The following KATNAL2 variants were observed in gnomAD, a reference collection of about 807,000 sequenced individuals.
KATNAL2 encodes katanin p60 ATPase-containing subunit A-like 2.
In KATNAL2, 52 loss-of-function variants were observed where a neutral mutation model predicts 76.3. The ratio of observed to expected loss-of-function variants is 0.68; its 90% CI spans 0.55 to 0.86. KATNAL2 has a LOEUF of 0.86. Ranked by LOEUF, KATNAL2 falls within the 40% of genes least tolerant of loss-of-function variation. KATNAL2 has a pLI of 0.00. For missense variants in KATNAL2, 660 were observed against 668.9 expected, an observed-to-expected ratio of 0.99 and a Z score of 0.15; for synonymous variants, 243 against 244.2, an observed-to-expected ratio of 1.00 and a Z score of 0.05.
At chr18:47,044,359 C>T (rs1399608327) in intron 3 of KATNAL2, among the ~76,000 whole-genome samples, 4 of 152,076 alleles carry the variant, frequency 2.6e-5, no homozygotes, top group Admixed American at 6.6e-5. Context: ...TTAATGGAAA[C>T]GAAGTTTCAA....
intron 6 of KATNAL2, among the ~76,000 whole-genome samples, chr18:47,056,961 A>G (rs1375179848): frequency 6.6e-6 from 1 of 152,062 alleles, no homozygotes; most frequent in East Asian, 1.9e-4. Context: ...AAAAGGGTAG[A>G]GAAAGACATT....
At chr18:47,042,927 G>T (rs1388486225) in intron 3 of KATNAL2, among the ~76,000 whole-genome samples, 2 of 152,160 alleles carry the variant, frequency 1.3e-5, no homozygotes, top group Non-Finnish European at 2.9e-5. Flanking sequence ...AGAACCCTAG[G>T]GTTAAAAATG....
intron 1 of KATNAL2, among the ~76,000 whole-genome samples, chr18:46,941,933 C>G (rs1033385448): frequency 5.3e-5 from 8 of 152,084 alleles, no homozygotes; most frequent in Non-Finnish European, 1.2e-4. Flanking sequence ...GGAAGGGGTG[C>G]GCCTGTTGCT....
At chr18:47,044,778 C>A (rs60910120) in intron 3 of KATNAL2, among the ~76,000 whole-genome samples, 8,691 of 134,040 alleles carry the variant, frequency 0.065, 558 homozygotes, top group African/African-American at 0.16. Context: ...AAAACAAAAA[C>A]AAAAACAAAA....
At chr18:46,941,065 C>T (rs1388611667) in intron 1 of KATNAL2, among the ~76,000 whole-genome samples, 1 of 152,100 alleles carries the variant, frequency 6.6e-6, no homozygotes, top group African/African-American at 2.4e-5. Context: ...AAAAAACACT[C>T]AGAATCCCAG....
rs1336974983 is a variant in KATNAL2 at position 47,100,873 on chromosome 18, C to G, written c.1485C>G (p.Ser495Arg). Residue 495 changes from serine to arginine, a missense_variant, in exon 18 of 18, where the codon AGC (serine) becomes AGG (arginine). Transcript: ENST00000683218. ...GTTGTGTTCTTATCCTAGAAAGCAG[C>G]GACTTACCCAGGATCCAGTTGGATA... ...DALENHQSES[S>R]DLPRIQLDIV... 1.9e-6 allele frequency: 3 copies of G among 1,613,984 alleles called. No individual in the cohort carries two copies. The Admixed American group carries it at 5.0e-5, about 27-fold the overall frequency.
intron 15 of KATNAL2, among the ~76,000 whole-genome samples, chr18:47,092,779 C>G (rs532858537): frequency 6.6e-6 from 1 of 152,302 alleles, no homozygotes; most frequent in Non-Finnish European, 1.5e-5. Context: ...TGCGTCACAG[C>G]CTCTGTTTCT....
rs2063430009 is a variant in KATNAL2 at position 47,100,971 on chromosome 18, A to T, written c.1583A>T (p.Tyr528Phe). The T allele has an allele frequency of 6.2e-7, 1 of 1,613,982 alleles. No individual in the cohort carries two copies. Among genetic ancestry groups the T allele is most frequent in the South Asian group, 1.1e-5 (1 of 91,082 alleles). The stretch of plus-strand genomic sequence containing the variant: ...TCCGCAAAGAATCTGGCTCAGAGAT[A>T]CTCAGACTGGCAAAGAGAGTTCGAG... The part of the protein sequence containing the change: ...KPSAKNLAQR[Y>F]SDWQREFESV The change falls in exon 18 of 18, where the codon TAC (tyrosine) becomes TTC (phenylalanine). Residue 528 changes from tyrosine (Y) to phenylalanine (F), a missense_variant. Tyr to Phe is a conservative substitution (Grantham distance 22). Transcript: ENST00000683218.
intron 1 of KATNAL2, among the ~76,000 whole-genome samples, chr18:46,940,410 G>A (rs1183900124): frequency 3.3e-5 from 5 of 152,242 alleles, no homozygotes; most frequent in Non-Finnish European, 7.3e-5. Context: ...TACCAACACA[G>A]AATGTCTGTG....
intron 15 of KATNAL2, among the ~76,000 whole-genome samples, chr18:47,079,828 T>G (rs1207932541): frequency 1.3e-5 from 2 of 152,170 alleles, no homozygotes; most frequent in Non-Finnish European, 2.9e-5. Context: ...ATCAATAGAA[T>G]TTTTTGGCAA....
intron 3 of KATNAL2, chr18:47,034,319 T>C: frequency 6.2e-7 from 1 of 1,612,854 alleles, no homozygotes; most frequent in Non-Finnish European, 8.5e-7. Context: ...CTGGGCCTCT[T>C]CTTGTTCGAG....
intron 15 of KATNAL2, among the ~76,000 whole-genome samples, chr18:47,080,129 G>A (rs1039290735): frequency 6.6e-6 from 1 of 152,176 alleles, no homozygotes; most frequent in Non-Finnish European, 1.5e-5. Flanking sequence ...TGGTAACCCT[G>A]AAATATAGTT....
At chr18:47,072,596 C>T (rs557228895) in intron 13 of KATNAL2, among the ~76,000 whole-genome samples, 3 of 152,290 alleles carry the variant, frequency 2.0e-5, no homozygotes, top group South Asian at 2.1e-4. Context: ...TAGGTGCACA[C>T]CACCAAGCCC....
intron 4 of KATNAL2, among the ~76,000 whole-genome samples, chr18:47,048,828 CTTTTTTTTT>C (rs35366730): frequency 3.9e-5 from 3 of 76,722 alleles, no homozygotes; most frequent in African/African-American, 1.6e-4. Flanking sequence ...AAGCCAGACT[CTTTTTTTTT>C]TTTTTTTTTT....
intron 7 of KATNAL2, among the ~76,000 whole-genome samples, chr18:47,058,615 G>A (rs1404460985): frequency 6.6e-6 from 1 of 152,208 alleles, no homozygotes; most frequent in Non-Finnish European, 1.5e-5. Flanking sequence ...TGATTGGCCA[G>A]GGTGGGGCCA....
At chr18:46,961,087 G>C (rs1200020421) in intron 3 of KATNAL2, among the ~76,000 whole-genome samples, 1 of 152,254 alleles carries the variant, frequency 6.6e-6, no homozygotes, top group Non-Finnish European at 1.5e-5. Context: ...GTTTTGCAAT[G>C]CTTCCTCATA....
chr18:47,071,868 AG>A lies in KATNAL2; in HGVS notation c.1008+2269del, dbSNP rs2062013386. 2.0e-5 allele frequency among the ~76,000 whole-genome samples: 3 copies of A among 151,036 alleles called. No individual in the cohort carries two copies. The East Asian group carries it at 5.8e-4, about 29-fold the overall frequency. Reference sequence around the variant, plus strand: ...TATTTTGTTAGGATTCTAAGAGTGAAGAAAAGTCCCAGTGGAGTGGGAGCAA... The same window carrying A: ...TATTTTGTTAGGATTCTAAGAGTGAAAAAAGTCCCAGTGGAGTGGGAGCAA... On this transcript the variant is annotated intron_variant, in intron 13 of 17. Transcript: ENST00000683218.
chr18:47,036,282 GAT>G (rs1381171090), intron 3 of KATNAL2, among the ~76,000 whole-genome samples: 1 of 152,164 alleles, frequency 6.6e-6, no homozygotes, highest in Non-Finnish European at 1.5e-5. Flanking sequence ...ACTTTTTCAT[GAT>G]TAGGTAGAAC....
chr18:47,077,296 G>C, intron 14 of KATNAL2, 55 bp from the exon 15 acceptor site: 2 of 1,353,484 alleles, frequency 1.5e-6, no homozygotes, highest in Non-Finnish European at 2.1e-6. Context: ...TGCTGCTCTT[G>C]TCATGAGGGC....
Sources: gnomAD v4.1 joint callset for allele counts (sites outside exome capture counted in the v4.1 genomes callset) on GRCh38, gnomAD v4.1.1 for gene constraint, MANE v1.5 for transcripts, NCBI Gene and HGNC (gene_info 2026-07-23, HGNC 2026-07-21) for gene names.